Variants in MSN observed in about 807,000 individuals in gnomAD.
The protein encoded by MSN is epididymis luminal protein 70.
Under a neutral mutation model 48.0 loss-of-function variants are expected in MSN, and 2 were observed. The observed-to-expected ratio is 0.04, with a 90% CI of 0.02 to 0.13. The LOEUF (loss-of-function observed/expected upper bound fraction) is 0.13. MSN is among the 10% of genes least tolerant of loss of function. MSN has a pLI of 1.00. For synonymous variants in MSN, 146 were observed against 166.9 expected (o/e 0.87, Z 0.97); for missense variants, 267 against 470.1 (o/e 0.57, Z 3.99).
chrX:65,650,670 C>T (rs2070735753), intron 1 of MSN, among the ~76,000 whole-genome samples: 2 of 112,152 alleles, frequency 1.8e-5, no homozygotes, highest in African/African-American at 6.5e-5. Context: ...TATTTCCTGC[C>T]CTCATCAAAA....
intron 2 of MSN, among the ~76,000 whole-genome samples, chrX:65,719,256 G>A (rs188032877): frequency 1.6e-4 from 18 of 112,099 alleles, no homozygotes; most frequent in Admixed American, 7.6e-4. Flanking sequence ...TCACTAATTC[G>A]CTGTGATACA....
chrX:65,736,782 T>C lies in MSN; in HGVS notation c.960-13T>C. 8.6e-7 allele frequency: 1 copy of C among 1,163,891 alleles called. No individual in the cohort carries two copies. The highest frequency in any genetic ancestry group is 1.1e-6 in the Non-Finnish European group (1 of 870,745). ...TTGTTATCCTGTTCTATCCATTTTA[T>C]CTCCTTCCCTAGTGCTATGCTGGAA... On this transcript the variant is annotated splice_polypyrimidine_tract_variant and intron_variant, in intron 8 of 12. Transcript: ENST00000360270.
At chrX:65,731,787 G>A in intron 5 of MSN, 51 bp from the exon 6 acceptor site, 1 of 1,176,943 alleles carries the variant, frequency 8.5e-7, no homozygotes, top group South Asian at 1.9e-5. Context: ...CTATCTCCTT[G>A]GGTCTGACTC....
intron 1 of MSN, among the ~76,000 whole-genome samples, chrX:65,699,052 A>T (rs68033223): frequency 0.17 from 19,404 of 111,483 alleles, 4,148 homozygotes; most frequent in African/African-American, 0.6. Context: ...TGGCTGGGCT[A>T]CCTGGTGAGC....
upstream of MSN, chrX:65,667,576 C>A: frequency 1.2e-6 from 1 of 856,914 alleles, no homozygotes; most frequent in South Asian, 5.6e-5. Flanking sequence ...GGCCAGCGGT[C>A]GGCGGGGAGG....
intron 1 of MSN, among the ~76,000 whole-genome samples, chrX:65,637,856 G>A (rs986973331): frequency 9.0e-6 from 1 of 111,104 alleles, no homozygotes; most frequent in Non-Finnish European, 1.9e-5. Context: ...TGAGGCATTC[G>A]CTGACCTTTC....
At chrX:65,590,596 C>T (rs1319959714) in intron 1 of MSN, among the ~76,000 whole-genome samples, 2 of 111,446 alleles carry the variant, frequency 1.8e-5, no homozygotes, top group Admixed American at 9.5e-5. Context: ...GAGGGCATCC[C>T]TCAAAAAGGG....
At chrX:65,735,463 G>A (rs751056436) in intron 8 of MSN, 33 bp downstream of exon 8, 2 of 1,172,503 alleles carry the variant, frequency 1.7e-6, no homozygotes, top group South Asian at 3.8e-5. Context: ...GGGGGCCAGG[G>A]CTGGGGCAAG....
chrX:65,675,939 G>T (rs2070994657), intron 1 of MSN, among the ~76,000 whole-genome samples: 1 of 112,505 alleles, frequency 8.9e-6, no homozygotes, highest in African/African-American at 3.2e-5. Flanking sequence ...CGCCCAGCCT[G>T]GGCAAATTAA....
intron 1 of MSN, among the ~76,000 whole-genome samples, chrX:65,698,275 T>G (rs1230761954): frequency 8.9e-6 from 1 of 112,199 alleles, no homozygotes; most frequent in African/African-American, 3.2e-5. Context: ...AGACTGTACC[T>G]GAGAAACACC....
chrX:65,729,117 T>C (rs2071597070), intron 3 of MSN, among the ~76,000 whole-genome samples: 1 of 111,929 alleles, frequency 8.9e-6, no homozygotes, highest in Non-Finnish European at 1.9e-5. Context: ...TAAGACGAGC[T>C]TAAAAGAAGA....
chrX:65,675,931 C>A (rs1220566062), intron 1 of MSN, among the ~76,000 whole-genome samples: 1 of 112,705 alleles, frequency 8.9e-6, no homozygotes, highest in Non-Finnish European at 1.9e-5. Flanking sequence ...AGCCACCACG[C>A]CCAGCCTGGG....
intron 1 of MSN, among the ~76,000 whole-genome samples, chrX:65,636,970 T>C (rs1405846184): frequency 3.0e-5 from 3 of 100,995 alleles, no homozygotes; most frequent in African/African-American, 1.1e-4. Flanking sequence ...TGGGCACCTG[T>C]AGTCCGCTAC....
intron 1 of MSN, among the ~76,000 whole-genome samples, chrX:65,620,517 C>A (rs1409765651): frequency 8.8e-6 from 1 of 113,809 alleles, no homozygotes; most frequent in African/African-American, 3.2e-5. Context: ...AAGGGAACTC[C>A]CTGACCCCTT....
At chrX:65,670,926 A>T (rs1450862297) in intron 1 of MSN, among the ~76,000 whole-genome samples, 29 of 56,860 alleles carry the variant, frequency 5.1e-4, no homozygotes, top group African/African-American at 1.7e-3. Context: ...ATATATATAT[A>T]TATATATATA....
At chrX:65,668,114 A>G (rs894475767) in intron 1 of MSN, among the ~76,000 whole-genome samples, 1 of 112,555 alleles carries the variant, frequency 8.9e-6, no homozygotes, top group Non-Finnish European at 1.9e-5. Flanking sequence ...CTGAGATGCA[A>G]CAGTCAGGAC....
chrX:65,605,521 C>T (rs2070271628), intron 1 of MSN, among the ~76,000 whole-genome samples: 1 of 112,024 alleles, frequency 8.9e-6, no homozygotes, highest in Admixed American at 9.5e-5. Context: ...TACAATAAAT[C>T]CAGAAGAATC....
Position 65,741,397 on chromosome X carries a change from CCCA to C in MSN, c.*1506_*1508del, listed in dbSNP as rs2071735313. The C allele has an allele frequency of 1.2e-5, 2 of 167,838 alleles. No homozygotes were observed. Among genetic ancestry groups the C allele is most frequent in the Non-Finnish European group, 2.3e-5 (2 of 87,484 alleles). 13.8% of individuals were successfully genotyped at this position (167,838 alleles called of 1,213,427 possible). On this transcript the variant is annotated 3_prime_UTR_variant, in exon 13 of 13. Coordinates refer to ENST00000360270, the MANE Select transcript of MSN (RefSeq NM_002444.3). ...ATTTTGGCCTCATTACTTTACCACC[CCCA>C]CACCTGGAAAGCATATACTATATTA...
intron 1 of MSN, among the ~76,000 whole-genome samples, chrX:65,599,448 C>T (rs1315386348): frequency 8.9e-6 from 1 of 112,124 alleles, no homozygotes; most frequent in Non-Finnish European, 1.9e-5. Flanking sequence ...TCCTGGCCAA[C>T]ATGGTGAAAC....
Sources: gnomAD v4.1 joint callset for allele counts (sites outside exome capture counted in the v4.1 genomes callset) on GRCh38, gnomAD v4.1.1 for gene constraint, MANE v1.5 for transcripts, NCBI Gene and HGNC (gene_info 2026-07-23, HGNC 2026-07-21) for gene names.